AXIN2: variants seen among roughly 807,000 people sequenced by gnomAD.
The protein encoded by AXIN2 is axin-2.
Under a neutral mutation model 74.7 loss-of-function variants are expected in AXIN2, and 21 were observed. That is an observed-to-expected ratio of 0.28 (90% CI 0.20 to 0.40). The LOEUF is 0.40. Ranked by LOEUF, AXIN2 falls within the 10% of genes least tolerant of loss-of-function variation. AXIN2 has a pLI of 1.00. For missense variants in AXIN2, 1,144 were observed against 1,111.1 expected (o/e 1.03, Z -0.42); for synonymous variants, 532 against 454.9 (o/e 1.17, Z -2.16).
chr17:65,561,240 A>T (rs1189659474), intron 1 of AXIN2: 2 of 147,198 alleles, frequency 1.4e-5, no homozygotes, highest in Non-Finnish European at 3.0e-5. Context: ...AAAGGGAGGT[A>T]CGCGCCGGCC....
intron 5 of AXIN2, 36 bp from the exon 6 acceptor site, chr17:65,537,871 G>C: frequency 6.6e-7 from 1 of 1,511,050 alleles, no homozygotes; most frequent in Non-Finnish European, 8.9e-7. Flanking sequence ...AAGTGACCCA[G>C]GAAGCAGAAG....
chr17:65,533,245 C>T (rs376174660), intron 10 of AXIN2, among the ~76,000 whole-genome samples: 6 of 152,190 alleles, frequency 3.9e-5, no homozygotes, highest in Admixed American at 6.5e-5. Flanking sequence ...GAGAAGGCAG[C>T]GGGGCCCAGG....
chr17:65,555,326 G>C (rs1239644857), intron 2 of AXIN2, among the ~76,000 whole-genome samples: 1 of 152,206 alleles, frequency 6.6e-6, no homozygotes, highest in Non-Finnish European at 1.5e-5. Context: ...CAGAATGAGT[G>C]AGTGTGCGGG....
intron 10 of AXIN2, among the ~76,000 whole-genome samples, chr17:65,532,235 C>T (rs879890855): frequency 2.6e-4 from 39 of 152,172 alleles, no homozygotes; most frequent in Non-Finnish European, 4.4e-4. Flanking sequence ...AAAATCAGAG[C>T]CAGATGTGGC....
At position 65,561,622 on chromosome 17, in the gene AXIN2, T is replaced by C. The variant is rs1423752509; in HGVS notation, c.-289A>G. On this transcript the variant is annotated 5_prime_UTR_variant, in exon 1 of 11. Coordinates refer to ENST00000307078, the MANE Select transcript of AXIN2 (RefSeq NM_004655.4). Reference sequence around the variant, plus strand: ...CCCCGGGCCAGGCTCGCGGAGCCAGTGATCCCGCCGCGCCAATCACAGCCG... The same window carrying C: ...CCCCGGGCCAGGCTCGCGGAGCCAGCGATCCCGCCGCGCCAATCACAGCCG... 1 of 150,456 alleles carries C rather than the reference T, an allele frequency of 6.6e-6. No individual in the cohort carries two copies. Among genetic ancestry groups the C allele is most frequent in the Non-Finnish European group, 1.5e-5 (1 of 67,416 alleles). The allele number at this position is 150,456 out of a possible 1,614,324, so 9.3% of individuals were successfully genotyped here.
intron 2 of AXIN2, among the ~76,000 whole-genome samples, chr17:65,555,330 G>A (rs1487134189): frequency 6.6e-6 from 1 of 152,172 alleles, no homozygotes; most frequent in African/African-American, 2.4e-5. Flanking sequence ...ATGAGTGAGT[G>A]TGCGGGAGAG....
At chr17:65,534,130 A>G in intron 9 of AXIN2, 51 bp from the exon 10 acceptor site, 11 of 1,605,084 alleles carry the variant, frequency 6.9e-6, no homozygotes, top group Non-Finnish European at 9.4e-6. Flanking sequence ...GCAGACACAC[A>G]TCTAAAGCAA....
At chr17:65,557,240 T>C (rs2044279975) in intron 2 of AXIN2, among the ~76,000 whole-genome samples, 1 of 152,192 alleles carries the variant, frequency 6.6e-6, no homozygotes, top group South Asian at 2.1e-4. Context: ...GTTAGAGGCC[T>C]TTCTTGCTGG....
intron 10 of AXIN2, among the ~76,000 whole-genome samples, chr17:65,533,515 C>T (rs1178706971): frequency 1.3e-5 from 2 of 152,220 alleles, no homozygotes; most frequent in Non-Finnish European, 2.9e-5. Context: ...CCCTCCTAAT[C>T]AGTGTGCCTG....
Position 65,538,050 on chromosome 17 carries a change from CCACGCCCAGGCA to C in AXIN2, c.1200+141_1200+152del, listed in dbSNP as rs1200326889. On this transcript the variant is annotated intron_variant, in intron 5 of 10. Transcript: ENST00000307078. The stretch of plus-strand genomic sequence containing the variant: ...CAACCCATGCACATGCGCACACAGC[CCACGCCCAGGCA>C]CACACCCACACGCAGCCCACGCGCA... 2.1e-6 allele frequency: 3 copies of C among 1,436,350 alleles called. No homozygotes were observed. In the Admixed American group the frequency reaches 5.9e-5, roughly 28 times the overall value. The allele number at this position is 1,436,350 out of a possible 1,614,324, so 89.0% of individuals were successfully genotyped here. A position where few individuals can be genotyped will look rare whatever the true frequency, so the allele number is the denominator to read the frequency against.
Position 65,536,367 on chromosome 17 carries a change from C to A in AXIN2, c.2094G>T (p.Glu698Asp), listed in dbSNP as rs1598096689. 1 of 1,613,670 alleles carries A rather than the reference C, an allele frequency of 6.2e-7. No individual in the cohort carries two copies. The highest frequency in any genetic ancestry group is 8.5e-7 in the Non-Finnish European group (1 of 1,180,000). ...LTPPNTLAQL[E>D]EACRRLAEVS... ...CCTCAGCTAGCCTGCGACAGGCCTC[C>A]TCCAGCTGAGCCAGCGTGTTGGGTG... Residue 698 changes from glutamate (E) to aspartate (D), a missense_variant, in exon 8 of 11, where the codon GAG becomes GAT. Around this residue, in one of 4 missense-constraint regions of AXIN2, gnomAD observed 1,053 missense variants for 973.5 expected, o/e 1.08. Coordinates refer to ENST00000307078, the MANE Select transcript of AXIN2 (RefSeq NM_004655.4).
At position 65,528,772 on chromosome 17, in the gene AXIN2, A is replaced by G. The variant is rs2043768581; in HGVS notation, c.*1204T>C. On this transcript the variant is annotated 3_prime_UTR_variant, in exon 11 of 11. Coordinates refer to ENST00000307078, the MANE Select transcript of AXIN2 (RefSeq NM_004655.4). The stretch of plus-strand genomic sequence containing the variant: ...ATAAACCCCTTTCAAAAAACAAGGG[A>G]AAGCTTGAGCCCTCAATATAGGGCG... 2.0e-6 allele frequency: 1 copy of G among 497,434 alleles called. No individual in the cohort carries two copies. Among genetic ancestry groups the G allele is most frequent in the African/African-American group, 2.0e-5 (1 of 51,258 alleles). 30.8% of individuals were successfully genotyped at this position (497,434 alleles called of 1,614,324 possible). A position where few individuals can be genotyped will look rare whatever the true frequency, so the allele number is the denominator to read the frequency against.
At chr17:65,543,455 A>G (rs1239040147) in intron 3 of AXIN2, among the ~76,000 whole-genome samples, 2 of 152,226 alleles carry the variant, frequency 1.3e-5, no homozygotes, top group Non-Finnish European at 2.9e-5. Context: ...AACTGATGCC[A>G]ACCTGAGAAT....
intron 3 of AXIN2, among the ~76,000 whole-genome samples, chr17:65,542,656 T>G (rs114246422): frequency 1.8e-3 from 277 of 152,372 alleles, no homozygotes; most frequent in African/African-American, 6.4e-3. Context: ...ACTACAACTA[T>G]GACCTAGAGT....
At chr17:65,533,782 C>G (rs936487375) in intron 10 of AXIN2, 130 bp downstream of exon 10, 2 of 1,055,940 alleles carry the variant, frequency 1.9e-6, no homozygotes, top group Admixed American at 4.1e-5. Context: ...GGGAGCCTCC[C>G]CCAGCGCCTG....
chr17:65,551,605 G>A (rs1207678385), intron 2 of AXIN2, among the ~76,000 whole-genome samples: 2 of 152,228 alleles, frequency 1.3e-5, no homozygotes, highest in Non-Finnish European at 2.9e-5. Flanking sequence ...TTTGGTGTGA[G>A]GGTCTGTCTC....
intron 2 of AXIN2, among the ~76,000 whole-genome samples, chr17:65,551,926 C>A (rs529855000): frequency 6.6e-6 from 1 of 152,304 alleles, no homozygotes; most frequent in Non-Finnish European, 1.5e-5. Context: ...AGACCAGGAG[C>A]ACTGCACATG....
chr17:65,555,581 G>A (rs2044255775), intron 2 of AXIN2, among the ~76,000 whole-genome samples: 1 of 152,010 alleles, frequency 6.6e-6, no homozygotes, highest in African/African-American at 2.4e-5. Context: ...GGTTCAAAAC[G>A]TTTCTCTCTA....
intron 2 of AXIN2, among the ~76,000 whole-genome samples, chr17:65,552,548 T>C (rs978387671): frequency 6.6e-6 from 1 of 152,164 alleles, no homozygotes; most frequent in Non-Finnish European, 1.5e-5. Flanking sequence ...TGCTGCCGGC[T>C]TGGCTGCAGT....
Sources: gnomAD v4.1 joint callset for allele counts (sites outside exome capture counted in the v4.1 genomes callset) on GRCh38, gnomAD v4.1.1 for gene constraint, gnomAD v4.1.1 regional missense constraint, MANE v1.5 for transcripts, NCBI Gene and HGNC (gene_info 2026-07-23, HGNC 2026-07-21) for gene names.